BLK: variants seen among roughly 807,000 people sequenced by gnomAD.
The protein encoded by BLK is BLK proto-oncogene, Src family tyrosine kinase.
In BLK, 64 loss-of-function variants were observed where a neutral mutation model predicts 61.8. The observed-to-expected ratio is 1.03, with a 90% confidence interval of 0.85 to 1.27. The LOEUF (loss-of-function observed/expected upper bound fraction) is 1.27. Ranked by LOEUF, BLK falls within the 50% of genes most tolerant of loss-of-function variation. The pLI is 0.00. For missense variants in BLK, 853 were observed against 660.5 expected, an observed-to-expected ratio of 1.29 and a Z score of -3.19; for synonymous variants, 351 against 272.0, an observed-to-expected ratio of 1.29 and a Z score of -2.86.
In BLK at chr8:11,513,264, G is replaced by C. The variant is rs146518478; in HGVS notation, c.-2+18673G>C. On this transcript the variant is annotated intron_variant, in intron 1 of 12. Transcript: ENST00000259089. ...CTGTGTCTTGAAGTGGGAGTGGATG[G>C]TAGGAAGGGGGAGATGGAAAAGCAG... is the stretch of plus-strand genomic sequence containing the variant. Among the ~76,000 whole-genome samples, 950 of 152,254 alleles carry C rather than the reference G, an allele frequency of 6.2e-3. 3 individuals carry two copies. The highest frequency in any genetic ancestry group is 0.014 in the Middle Eastern group (4 of 294).
chr8:11,514,668 G>A lies in BLK; in HGVS notation c.-2+20077G>A, dbSNP rs115436003. Among the ~76,000 whole-genome samples the A allele has an allele frequency of 6.2e-3, 948 of 152,278 alleles. 15 individuals carry two copies. Among genetic ancestry groups the A allele is most frequent in the African/African-American group, 0.022 (899 of 41,548 alleles). On this transcript the variant is annotated intron_variant, in intron 1 of 12. Coordinates refer to ENST00000259089, the MANE Select transcript of BLK (RefSeq NM_001715.3). ...CCCCACCTCTGGGCTCGAGTAGCCCGTGAGCCTGCTTTCTGGACCCATCCT... is the reference window on the plus strand; with the variant it reads ...CCCCACCTCTGGGCTCGAGTAGCCCATGAGCCTGCTTTCTGGACCCATCCT...
intron 1 of BLK, among the ~76,000 whole-genome samples, chr8:11,504,935 C>T (rs1448282799): frequency 6.6e-6 from 1 of 152,200 alleles, no homozygotes; most frequent in Non-Finnish European, 1.5e-5. Flanking sequence ...CATATGTACA[C>T]ACAAACACAC....
At chr8:11,513,133 T>C (rs1270827579) in intron 1 of BLK, among the ~76,000 whole-genome samples, 1 of 152,036 alleles carries the variant, frequency 6.6e-6, no homozygotes, top group African/African-American at 2.4e-5. Flanking sequence ...CTACTGTCCA[T>C]GCCCACGGCC....
At chr8:11,518,613 A>T (rs1799318370) in intron 1 of BLK, among the ~76,000 whole-genome samples, 1 of 151,144 alleles carries the variant, frequency 6.6e-6, no homozygotes, top group Non-Finnish European at 1.5e-5. Flanking sequence ...GTGGCCTCCC[A>T]TCTAGTGTCC....
intron 1 of BLK, among the ~76,000 whole-genome samples, chr8:11,512,815 C>T (rs1297054582): frequency 6.6e-6 from 1 of 152,176 alleles, no homozygotes; most frequent in Non-Finnish European, 1.5e-5. Flanking sequence ...AGGCGCCACC[C>T]ACCACCATGC....
At chr8:11,523,216 A>C (rs958526912) in intron 1 of BLK, among the ~76,000 whole-genome samples, 119 of 152,360 alleles carry the variant, frequency 7.8e-4, no homozygotes, top group Middle Eastern at 3.4e-3. Flanking sequence ...TAGAAATGAT[A>C]GCTTTTACTG....
At chr8:11,535,310 AAGAAAGAAAGAAAG>A (rs746343867) in intron 1 of BLK, among the ~76,000 whole-genome samples, 5,119 of 145,056 alleles carry the variant, frequency 0.035, 149 homozygotes, top group East Asian at 0.095. Context: ...GAAAGAAAGA[AAGAAAGAAAGAAAG>A]AGAAGGAAAA....
At chr8:11,520,044 G>T (rs764829353) in intron 1 of BLK, among the ~76,000 whole-genome samples, 3 of 152,100 alleles carry the variant, frequency 2.0e-5, no homozygotes, top group Non-Finnish European at 4.4e-5. Context: ...AAGATTAGTA[G>T]TCACACACAA....
intron 1 of BLK, among the ~76,000 whole-genome samples, chr8:11,498,003 C>T (rs1033088994): frequency 1.3e-5 from 2 of 152,208 alleles, no homozygotes; most frequent in African/African-American, 2.4e-5. Flanking sequence ...AAGACATAGA[C>T]GAGGCTCCTC....
intron 1 of BLK, among the ~76,000 whole-genome samples, chr8:11,528,392 T>C (rs886470402): frequency 6.6e-6 from 1 of 152,168 alleles, no homozygotes; most frequent in Non-Finnish European, 1.5e-5. Context: ...GTTACTTTGG[T>C]TTATGGCCAG....
At chr8:11,517,830 C>A (rs1799286668) in intron 1 of BLK, among the ~76,000 whole-genome samples, 1 of 152,204 alleles carries the variant, frequency 6.6e-6, no homozygotes, top group Non-Finnish European at 1.5e-5. Flanking sequence ...AAAGTCTATG[C>A]CCCGACAGCT....
chr8:11,507,753 G>A (rs752253676), intron 1 of BLK, among the ~76,000 whole-genome samples: 18 of 152,210 alleles, frequency 1.2e-4, no homozygotes, highest in Admixed American at 7.2e-4. Context: ...ATGGTGACCT[G>A]GATTAGGACT....
chr8:11,535,235 G>T (rs1308528331), intron 1 of BLK, among the ~76,000 whole-genome samples: 2 of 110,666 alleles, frequency 1.8e-5, no homozygotes, highest in African/African-American at 7.0e-5. Context: ...GAAAGAAAAA[G>T]AAAAGAAGGA....
chr8:11,559,886 C>T (rs1345426819), intron 10 of BLK: 1 of 455,652 alleles, frequency 2.2e-6, no homozygotes, highest in Admixed American at 2.4e-5. Flanking sequence ...TCAGGTGTTC[C>T]CGGAAGCACT....
intron 10 of BLK, chr8:11,560,133 G>A (rs1801422791): frequency 5.9e-6 from 1 of 168,446 alleles, no homozygotes; most frequent in Non-Finnish European, 1.2e-5. Flanking sequence ...ATGGATGGGT[G>A]GATGCGTGGG....
chr8:11,540,124 A>G (rs1177333055), intron 1 of BLK, among the ~76,000 whole-genome samples: 1 of 152,054 alleles, frequency 6.6e-6, no homozygotes, highest in Non-Finnish European at 1.5e-5. Flanking sequence ...ACTCTGGGTT[A>G]TATACACAGT....
chr8:11,517,742 C>G (rs1475606267), intron 1 of BLK, among the ~76,000 whole-genome samples: 1 of 152,212 alleles, frequency 6.6e-6, no homozygotes, highest in Non-Finnish European at 1.5e-5. Context: ...GGCTTACAGG[C>G]TGCTGAACGC....
intron 7 of BLK, among the ~76,000 whole-genome samples, 178 bp downstream of exon 7, chr8:11,555,067 C>T (rs1801133515): frequency 6.6e-6 from 1 of 152,198 alleles, no homozygotes; most frequent in Non-Finnish European, 1.5e-5. Flanking sequence ...CTAATTCCCT[C>T]TCCTGGCTCA....
At chr8:11,519,347 A>T (rs1370158199) in intron 1 of BLK, among the ~76,000 whole-genome samples, 1 of 152,196 alleles carries the variant, frequency 6.6e-6, no homozygotes, top group Non-Finnish European at 1.5e-5. Flanking sequence ...GCTCCGAAAC[A>T]GTTCCACGGT....
Sources: allele counts gnomAD v4.1 joint callset (sites outside exome capture counted in the v4.1 genomes callset), GRCh38; gene constraint gnomAD v4.1.1; transcripts MANE v1.5; gene names NCBI Gene and HGNC (gene_info 2026-07-23, HGNC 2026-07-21).